Variants in MAP3K5 observed in about 807,000 individuals in gnomAD.
MAP3K5 encodes ASK-1.
Under a neutral mutation model 158.7 loss-of-function variants are expected in MAP3K5, and 56 were observed. The ratio of observed to expected loss-of-function variants is 0.35; its 90% CI spans 0.28 to 0.44. The LOEUF (loss-of-function observed/expected upper bound fraction) is 0.44. MAP3K5 is among the 20% of genes least tolerant of loss of function. The probability of loss-of-function intolerance (pLI) is 1.00; values close to 1 mark genes in which losing one functional copy is unlikely to be tolerated. For synonymous variants in MAP3K5, 579 were observed against 601.7 expected (o/e 0.96, Z 0.55); for missense variants, 1,294 against 1,674.8 (o/e 0.77, Z 3.97).
At position 136,694,286 on chromosome 6, in the gene MAP3K5, T is replaced by G. The variant is rs1426844059; in HGVS notation, c.1107A>C (p.Ala369=). The change falls in exon 7 of 30, where the codon GCA becomes GCC. Residue 369 remains alanine (A), a synonymous_variant. Coordinates refer to ENST00000359015, the MANE Select transcript of MAP3K5 (RefSeq NM_005923.4). ...LNRRNLPGDR[A]KALDIMIPMV... The stretch of plus-strand genomic sequence containing the variant: ...TGGGAATCATAATATCAAGAGCTTT[T>G]GCTCTGTCACCAGGGAGATTTCTCC... 2.5e-6 allele frequency: 4 copies of G among 1,612,318 alleles called. No homozygotes were observed. The highest frequency in any genetic ancestry group is 3.4e-6 in the Non-Finnish European group (4 of 1,179,868).
At chr6:136,627,119 A>G (rs1382637564) in intron 14 of MAP3K5, among the ~76,000 whole-genome samples, 2 of 152,042 alleles carry the variant, frequency 1.3e-5, no homozygotes, top group Non-Finnish European at 2.9e-5. Flanking sequence ...GTCCTCTTAG[A>G]ATTTTGTTTT....
intron 1 of MAP3K5, among the ~76,000 whole-genome samples, chr6:136,751,152 T>C (rs1215352894): frequency 6.8e-6 from 1 of 147,168 alleles, no homozygotes; most frequent in African/African-American, 2.5e-5. Flanking sequence ...TCTGGCTGCT[T>C]TTTTTTTTTT....
At chr6:136,728,455 G>T (rs1197775523) in intron 1 of MAP3K5, among the ~76,000 whole-genome samples, 1 of 152,132 alleles carries the variant, frequency 6.6e-6, no homozygotes, top group Non-Finnish European at 1.5e-5. Context: ...TAGGAATGTT[G>T]AAATTTTCAA....
At chr6:136,605,403 A>G in intron 18 of MAP3K5, 37 bp from the exon 19 acceptor site, 1 of 1,565,666 alleles carries the variant, frequency 6.4e-7, no homozygotes, top group Non-Finnish European at 8.7e-7. Flanking sequence ...TTTTAAAAAG[A>G]TAAAACAGAA....
intron 7 of MAP3K5, among the ~76,000 whole-genome samples, chr6:136,690,896 A>T (rs577283616): frequency 7.2e-5 from 11 of 152,290 alleles, no homozygotes; most frequent in Non-Finnish European, 1.6e-4. Flanking sequence ...GCAACAAATT[A>T]TCTCAGTTTT....
intron 15 of MAP3K5, among the ~76,000 whole-genome samples, chr6:136,621,047 A>G (rs1273415344): frequency 6.6e-6 from 1 of 152,112 alleles, no homozygotes; most frequent in Non-Finnish European, 1.5e-5. Context: ...GCCATTAATT[A>G]CTTTTGATGG....
At chr6:136,699,947 A>T (rs2114682769) in intron 3 of MAP3K5, among the ~76,000 whole-genome samples, 1 of 152,224 alleles carries the variant, frequency 6.6e-6, no homozygotes, top group African/African-American at 2.4e-5. Context: ...TACAAAAATT[A>T]TCCAGGTGGG....
chr6:136,757,579 A>ATTTATTTT lies in MAP3K5; in HGVS notation c.448+34130_448+34131insAAAATAAA, dbSNP rs1562679137. On this transcript the variant is annotated intron_variant, in intron 1 of 29. Transcript: ENST00000359015. ...ACTCATTTTATAGATTTATTTATTT[A>ATTTATTTT]TTTTTTATTTTTTTTTTTTTTTTTT... is the stretch of plus-strand genomic sequence containing the variant. Among the ~76,000 whole-genome samples, 18 of 111,988 alleles carry ATTTATTTT rather than the reference A, an allele frequency of 1.6e-4. 1 individual carries two copies. The highest frequency in any genetic ancestry group is 8.9e-4 in the East Asian group (3 of 3,376). 73.5% of individuals were successfully genotyped at this position (111,988 alleles called of 152,430 possible). A position where few individuals can be genotyped will look rare whatever the true frequency, so the allele number is the denominator to read the frequency against.
At chr6:136,771,734 T>C (rs1299189757) in intron 1 of MAP3K5, among the ~76,000 whole-genome samples, 2 of 152,174 alleles carry the variant, frequency 1.3e-5, no homozygotes, top group Admixed American at 6.5e-5. Context: ...AATTCTTTCC[T>C]GGGCAAAGCC....
chr6:136,715,561 T>C (rs879253043), intron 2 of MAP3K5, among the ~76,000 whole-genome samples: 1 of 152,176 alleles, frequency 6.6e-6, no homozygotes. Context: ...TGTCTATCCT[T>C]TTATAACACA....
rs114686428 is a variant in MAP3K5 at position 136,667,648 on chromosome 6, A to G, written c.1366+1635T>C. Among the ~76,000 whole-genome samples, 991 of 152,266 alleles carry G rather than the reference A, an allele frequency of 6.5e-3. 17 individuals carry two copies. The highest frequency in any genetic ancestry group is 0.022 in the African/African-American group (934 of 41,546). On this transcript the variant is annotated intron_variant, in intron 8 of 29. Coordinates refer to ENST00000359015, the MANE Select transcript of MAP3K5 (RefSeq NM_005923.4). ...AAAAAGCACTAAGAAAGCACAATCT[A>G]AACCAGCCTGGGCAACATGGCAAAA...
chr6:136,579,822 GATTCCTGGGCTTT>G (rs1774788311), intron 25 of MAP3K5: 1 of 456,492 alleles, frequency 2.2e-6, no homozygotes, highest in African/African-American at 2.0e-5. Flanking sequence ...AAAAAAATCA[GATTCCTGGGCTTT>G]ATTCCTGGCA....
In MAP3K5 at chr6:136,609,575, T is replaced by C. The variant is rs1429870813; in HGVS notation, c.2521+1707A>G. 1.3e-5 allele frequency among the ~76,000 whole-genome samples: 2 copies of C among 151,978 alleles called. No homozygotes were observed. The highest frequency in any genetic ancestry group is 3.9e-4 in the East Asian group (2 of 5,166). On this transcript the variant is annotated intron_variant, in intron 18 of 29. Coordinates refer to ENST00000359015, the MANE Select transcript of MAP3K5 (RefSeq NM_005923.4). This position sits in a 1 kb window ranked among gnomAD's most constrained non-coding sequence, Gnocchi z 4.4. ...TGGGAGTCCAAGGCAGGTGGATCAC[T>C]TGAGGTCAGGAGTTTGAGACCAGCC...
chr6:136,773,710 C>T (rs1181462704), intron 1 of MAP3K5, among the ~76,000 whole-genome samples: 9 of 152,104 alleles, frequency 5.9e-5, no homozygotes, highest in South Asian at 2.1e-4. Flanking sequence ...TGCAGTGGTA[C>T]GATCTCAGCT....
intron 25 of MAP3K5, among the ~76,000 whole-genome samples, chr6:136,568,675 C>T (rs1243135926): frequency 6.6e-6 from 1 of 151,914 alleles, no homozygotes; most frequent in African/African-American, 2.4e-5. Context: ...GAGTTTGAGA[C>T]CAGCCTGGCC....
intron 14 of MAP3K5, among the ~76,000 whole-genome samples, chr6:136,623,632 G>A (rs1009569268): frequency 3.3e-5 from 5 of 152,058 alleles, no homozygotes; most frequent in African/African-American, 4.8e-5. Flanking sequence ...ATGGAAAACC[G>A]GATCTACAGA....
Position 136,717,287 on chromosome 6 carries a change from T to C in MAP3K5, c.588+3163A>G, listed in dbSNP as rs529654567. 9.9e-5 allele frequency among the ~76,000 whole-genome samples: 15 copies of C among 152,280 alleles called. No individual in the cohort carries two copies. The South Asian group carries it at 2.7e-3, about 27-fold the overall frequency. On this transcript the variant is annotated intron_variant, in intron 2 of 29. Coordinates refer to ENST00000359015, the MANE Select transcript of MAP3K5 (RefSeq NM_005923.4). ...TCTAAATATCCTTTCAAATGATACT[T>C]CAGACATAGATTTTTAAAGTACTTT...
intron 1 of MAP3K5, among the ~76,000 whole-genome samples, chr6:136,746,693 T>C (rs1310491496): frequency 6.6e-6 from 1 of 152,184 alleles, no homozygotes; most frequent in African/African-American, 2.4e-5. Flanking sequence ...TATTCTTTCC[T>C]TTTTGCAATA....
At chr6:136,700,516 C>T (rs1780806652) in intron 3 of MAP3K5, among the ~76,000 whole-genome samples, 1 of 152,204 alleles carries the variant, frequency 6.6e-6, no homozygotes, top group Non-Finnish European at 1.5e-5. Flanking sequence ...TATTTATGAA[C>T]ACATGCCTCT....
Sources: gnomAD v4.1 joint callset for allele counts (sites outside exome capture counted in the v4.1 genomes callset) on GRCh38, gnomAD v4.1.1 for gene constraint, Gnocchi (gnomAD v3.1) non-coding constraint, MANE v1.5 for transcripts, NCBI Gene and HGNC (gene_info 2026-07-23, HGNC 2026-07-21) for gene names.